CMIP: variants seen among roughly 807,000 people sequenced by gnomAD.
CMIP encodes the protein C-Maf-inducing protein.
Under a neutral mutation model 97.3 loss-of-function variants are expected in CMIP, and 13 were observed. The ratio of observed to expected loss-of-function variants is 0.13; its 90% CI spans 0.09 to 0.21. The LOEUF is 0.21. CMIP is among the 10% of genes least tolerant of loss of function. CMIP has a pLI of 1.00. For synonymous variants in CMIP, 538 were observed against 436.3 expected, an observed-to-expected ratio of 1.23 and a Z score of -2.91; for missense variants, 847 against 1,024.9, an observed-to-expected ratio of 0.83 and a Z score of 2.37.
At chr16:81,595,507 G>A (rs889047991) in intron 1 of CMIP, among the ~76,000 whole-genome samples, 4 of 151,098 alleles carry the variant, frequency 2.6e-5, no homozygotes, top group African/African-American at 9.7e-5. Context: ...TCCCACCTCA[G>A]CCTCTTGAGT....
At chr16:81,450,503 T>A (rs1906141506) in intron 1 of CMIP, among the ~76,000 whole-genome samples, 5 of 152,200 alleles carry the variant, frequency 3.3e-5, no homozygotes. Flanking sequence ...AAGCACCTAC[T>A]AGTATAGTCA....
chr16:81,665,063 T>A (rs1223299124), intron 7 of CMIP: 1 of 152,244 alleles, frequency 6.6e-6, no homozygotes, highest in South Asian at 2.1e-4. Context: ...TAAATGTCAT[T>A]TGGGGCTCTC....
intron 3 of CMIP, chr16:81,631,632 T>C (rs2092160906): frequency 6.6e-6 from 1 of 152,280 alleles, no homozygotes. Flanking sequence ...TCTTATGATT[T>C]GTCTGTGTTG....
At chr16:81,550,654 G>C (rs946777194) in intron 1 of CMIP, among the ~76,000 whole-genome samples, 2 of 152,148 alleles carry the variant, frequency 1.3e-5, no homozygotes, top group Non-Finnish European at 2.9e-5. Context: ...TGTGCTTCTG[G>C]AATCTACCTG....
chr16:81,578,254 T>C (rs1235939333), intron 1 of CMIP, among the ~76,000 whole-genome samples: 1 of 152,218 alleles, frequency 6.6e-6, no homozygotes, highest in Non-Finnish European at 1.5e-5. Context: ...ATCATCTTCG[T>C]CACCACTGTT....
intron 1 of CMIP, among the ~76,000 whole-genome samples, chr16:81,602,482 G>C (rs566269574): frequency 1.3e-5 from 2 of 152,172 alleles, no homozygotes; most frequent in African/African-American, 2.4e-5. Flanking sequence ...CGCTTTTAGC[G>C]TGCAGATCTG....
intron 3 of CMIP, among the ~76,000 whole-genome samples, chr16:81,640,083 C>T (rs1237919249): frequency 1.3e-5 from 2 of 152,174 alleles, no homozygotes; most frequent in Admixed American, 6.5e-5. Flanking sequence ...TACCCGAATT[C>T]TCCTGGAAGT....
chr16:81,703,914 A>G, intron 17 of CMIP, 25 bp from the exon 18 acceptor site: 1 of 1,582,262 alleles, frequency 6.3e-7, no homozygotes. Flanking sequence ...CAGCACCCTC[A>G]GGCCTCTCCC....
chr16:81,553,662 G>A (rs577199952), intron 1 of CMIP, among the ~76,000 whole-genome samples: 1 of 152,330 alleles, frequency 6.6e-6, no homozygotes, highest in African/African-American at 2.4e-5. Context: ...GGCGTGCTCC[G>A]CCAGCTTCAC....
chr16:81,706,491 C>T (rs1416940831), intron 19 of CMIP, among the ~76,000 whole-genome samples: 2 of 152,050 alleles, frequency 1.3e-5, no homozygotes, highest in East Asian at 1.9e-4. Context: ...TGGAGTCCCC[C>T]GGGGGGGCGC....
chr16:81,452,453 G>A (rs1435738347), intron 1 of CMIP, among the ~76,000 whole-genome samples: 1 of 152,184 alleles, frequency 6.6e-6, no homozygotes, highest in Admixed American at 6.5e-5. Flanking sequence ...CCCTCGTGGA[G>A]CCTGTGTTGG....
chr16:81,612,768 A>T (rs2091852596), intron 2 of CMIP, among the ~76,000 whole-genome samples: 1 of 152,068 alleles, frequency 6.6e-6, no homozygotes, highest in African/African-American at 2.4e-5. Context: ...CTTCCGGGGG[A>T]CTTGGGGTCT....
In CMIP at chr16:81,445,212, C is replaced by G. The variant is rs1905751193; in HGVS notation, c.-30C>G. ...AGCAGCCCAGGACAGCCCCCTCTCC[C>G]CGCCCCCAGCCCCCTCCCCCGGCGC... is the stretch of plus-strand genomic sequence containing the variant. On this transcript the variant is annotated 5_prime_UTR_variant, in exon 1 of 21. Transcript: ENST00000537098. 6.9e-7 allele frequency: 1 copy of G among 1,458,222 alleles called. No individual in the cohort carries two copies. The highest frequency in any genetic ancestry group is 9.1e-7 in the Non-Finnish European group (1 of 1,100,590). 90.3% of individuals were successfully genotyped at this position (1,458,222 alleles called of 1,614,324 possible).
chr16:81,651,437 C>A, intron 3 of CMIP: 10 of 962,936 alleles, frequency 1.0e-5, no homozygotes, highest in Non-Finnish European at 1.2e-5. Context: ...GGTGAGAGCA[C>A]TCTTGTCTTC....
At chr16:81,587,388 C>A (rs983473718) in intron 1 of CMIP, among the ~76,000 whole-genome samples, 1 of 152,186 alleles carries the variant, frequency 6.6e-6, no homozygotes, top group Admixed American at 6.5e-5. Context: ...ATCGATGAGG[C>A]GGTCAGTCTG....
chr16:81,664,259 C>A lies in CMIP; in HGVS notation c.745-10C>A. ...AGGGCCGCAGTAACTGTACCCCACT[C>A]TGTCCCCAGCACTGCAGAGAGCGGC... On this transcript the variant is annotated splice_polypyrimidine_tract_variant and intron_variant, in intron 6 of 20. Transcript: ENST00000537098. 6.3e-7 allele frequency: 1 copy of A among 1,592,508 alleles called. No homozygotes were observed. The highest frequency in any genetic ancestry group is 1.2e-5 in the South Asian group (1 of 86,898).
At chr16:81,494,770 A>T (rs1446045969) in intron 1 of CMIP, among the ~76,000 whole-genome samples, 3 of 152,226 alleles carry the variant, frequency 2.0e-5, no homozygotes, top group South Asian at 2.1e-4. Flanking sequence ...TGGGTAACTG[A>T]TACCCTTGTC....
intron 3 of CMIP, among the ~76,000 whole-genome samples, chr16:81,628,568 C>A (rs1278938850): frequency 6.6e-6 from 1 of 152,234 alleles, no homozygotes; most frequent in Non-Finnish European, 1.5e-5. Flanking sequence ...GGTCACACAG[C>A]TGTTCAATGG....
intron 10 of CMIP, among the ~76,000 whole-genome samples, chr16:81,679,343 GC>G (rs1904629048): frequency 6.6e-6 from 1 of 152,144 alleles, no homozygotes; most frequent in Non-Finnish European, 1.5e-5. Context: ...GGCTGTGGCT[GC>G]ATGCATGTGG....
Sources: gnomAD v4.1 joint callset for allele counts (sites outside exome capture counted in the v4.1 genomes callset) on GRCh38, gnomAD v4.1.1 for gene constraint, MANE v1.5 for transcripts, NCBI Gene and HGNC (gene_info 2026-07-23, HGNC 2026-07-21) for gene names.